The following RPRD1A variants were observed in gnomAD, a reference collection of about 807,000 sequenced individuals.
The protein encoded by RPRD1A is regulation of nuclear pre-mRNA domain-containing protein 1A.
A neutral mutation model predicts 37.8 loss-of-function variants in RPRD1A; 9 were observed. That is an observed-to-expected ratio of 0.24 (90% CI 0.14 to 0.42). The LOEUF is 0.42. Ranked by LOEUF, RPRD1A falls within the 10% of genes least tolerant of loss-of-function variation. RPRD1A has a pLI of 1.00. For synonymous variants in RPRD1A, 138 were observed against 139.7 expected (o/e 0.99, Z 0.08); for missense variants, 255 against 371.0 (o/e 0.69, Z 2.57).
intron 4 of RPRD1A, among the ~76,000 whole-genome samples, chr18:36,029,224 A>G (rs1258311058): frequency 6.6e-6 from 1 of 152,120 alleles, no homozygotes; most frequent in Non-Finnish European, 1.5e-5. Context: ...CAGTACTGAG[A>G]CTAATATAAA....
At chr18:36,017,904 A>G (rs1910704608) in intron 6 of RPRD1A, among the ~76,000 whole-genome samples, 1 of 152,236 alleles carries the variant, frequency 6.6e-6, no homozygotes, top group Non-Finnish European at 1.5e-5. Context: ...GTACTTATAC[A>G]ATGCTAAGGA....
intron 6 of RPRD1A, among the ~76,000 whole-genome samples, chr18:36,008,981 C>T (rs1183010267): frequency 6.6e-6 from 1 of 152,122 alleles, no homozygotes; most frequent in Non-Finnish European, 1.5e-5. Flanking sequence ...CTGATGGACA[C>T]TAACTGGGTA....
At chr18:36,019,208 C>A (rs892381176) in intron 6 of RPRD1A, among the ~76,000 whole-genome samples, 1 of 150,264 alleles carries the variant, frequency 6.7e-6, no homozygotes, top group South Asian at 2.1e-4. Flanking sequence ...CCCGGGTTCA[C>A]GCCATTCTCC....
chr18:36,056,158 C>T (rs1447948468), intron 1 of RPRD1A, among the ~76,000 whole-genome samples: 1 of 152,032 alleles, frequency 6.6e-6, no homozygotes, highest in Non-Finnish European at 1.5e-5. Flanking sequence ...AAATGAAATA[C>T]AATGCAATCA....
intron 1 of RPRD1A, among the ~76,000 whole-genome samples, chr18:36,037,152 T>C (rs1016756073): frequency 6.6e-6 from 1 of 152,104 alleles, no homozygotes; most frequent in African/African-American, 2.4e-5. Context: ...CATGAATATA[T>C]CACACCAACA....
At chr18:36,001,394 A>C (rs1347162984) in intron 6 of RPRD1A, among the ~76,000 whole-genome samples, 1 of 152,226 alleles carries the variant, frequency 6.6e-6, no homozygotes, top group African/African-American at 2.4e-5. Flanking sequence ...CATGTACTCA[A>C]ATTCAAATGA....
At chr18:36,019,399 G>A (rs1014266082) in intron 6 of RPRD1A, among the ~76,000 whole-genome samples, 18 of 151,994 alleles carry the variant, frequency 1.2e-4, no homozygotes, top group African/African-American at 4.1e-4. Context: ...GAGCCACCGC[G>A]CCTGGCCCAT....
chr18:36,013,196 T>C (rs1910286758), intron 6 of RPRD1A, among the ~76,000 whole-genome samples: 1 of 151,964 alleles, frequency 6.6e-6, no homozygotes, highest in Non-Finnish European at 1.5e-5. Context: ...CAATGATAAA[T>C]CCCTTTCTTC....
intron 1 of RPRD1A, among the ~76,000 whole-genome samples, chr18:36,051,422 A>G (rs2144379638): frequency 6.6e-6 from 1 of 152,330 alleles, no homozygotes; most frequent in East Asian, 1.9e-4. Flanking sequence ...GAAATTTTTC[A>G]GGTCTTTCTC....
At chr18:36,044,175 C>A (rs1028269028) in intron 1 of RPRD1A, among the ~76,000 whole-genome samples, 1 of 151,992 alleles carries the variant, frequency 6.6e-6, no homozygotes, top group Non-Finnish European at 1.5e-5. Context: ...GTTGGTCTTG[C>A]TGTCTCAGGA....
intron 6 of RPRD1A, among the ~76,000 whole-genome samples, chr18:36,022,481 G>A (rs1841254425): frequency 6.6e-6 from 1 of 152,230 alleles, no homozygotes; most frequent in Non-Finnish European, 1.5e-5. Flanking sequence ...CTCATTAGGA[G>A]CTAAAGTAGC....
intron 1 of RPRD1A, among the ~76,000 whole-genome samples, chr18:36,039,149 T>C (rs909487524): frequency 1.3e-5 from 2 of 152,170 alleles, no homozygotes; most frequent in African/African-American, 4.8e-5. Flanking sequence ...ATGGTTTGGC[T>C]GTGTCCCCAC....
intron 6 of RPRD1A, among the ~76,000 whole-genome samples, chr18:35,996,306 T>C (rs1164783532): frequency 6.6e-6 from 1 of 152,192 alleles, no homozygotes; most frequent in African/African-American, 2.4e-5. Flanking sequence ...AACTAAACAT[T>C]TTCCCAGATT....
At chr18:36,045,100 C>A (rs953919298) in intron 1 of RPRD1A, among the ~76,000 whole-genome samples, 1 of 151,916 alleles carries the variant, frequency 6.6e-6, no homozygotes, top group African/African-American at 2.4e-5. Flanking sequence ...ATTAGCCAGA[C>A]GTGGTGGTGC....
intron 6 of RPRD1A, among the ~76,000 whole-genome samples, chr18:35,995,261 G>GTTTTTTTTTTTTTTTTTTTTTTTTTT (rs1232555714): frequency 9.2e-6 from 1 of 109,210 alleles, no homozygotes; most frequent in African/African-American, 3.5e-5. Flanking sequence ...GCTTTTTTTC[G>GTTTTTTTTTTTTTTTTTTTTTTTTTT]TTTTTTTTTT....
chr18:36,044,369 G>A (rs1257996960), intron 1 of RPRD1A, among the ~76,000 whole-genome samples: 1 of 152,102 alleles, frequency 6.6e-6, no homozygotes, highest in African/African-American at 2.4e-5. Flanking sequence ...CCACACTGTG[G>A]TCCCTAAAAA....
chr18:35,998,157 A>G (rs1305797816), intron 6 of RPRD1A, among the ~76,000 whole-genome samples: 2 of 152,242 alleles, frequency 1.3e-5, no homozygotes, highest in East Asian at 3.9e-4. Context: ...TCACGAGTTC[A>G]AGACCAGCCT....
At chr18:36,063,340 G>C (rs1317418108) in intron 1 of RPRD1A, among the ~76,000 whole-genome samples, 1 of 152,026 alleles carries the variant, frequency 6.6e-6, no homozygotes. Context: ...GCTAATTTTG[G>C]TATTTTCTGT....
intron 4 of RPRD1A, 196 bp from the exon 5 acceptor site, chr18:36,027,506 A>G: frequency 1.8e-6 from 1 of 556,748 alleles, no homozygotes; most frequent in Non-Finnish European, 3.1e-6. Context: ...TTGAAAATAT[A>G]AACAGGACAA....
Sources: allele counts gnomAD v4.1 joint callset (sites outside exome capture counted in the v4.1 genomes callset), GRCh38; gene constraint gnomAD v4.1.1; transcripts MANE v1.5; gene names NCBI Gene and HGNC (gene_info 2026-07-23, HGNC 2026-07-21).